The following RORA variants were observed in gnomAD, a reference collection of about 807,000 sequenced individuals.
The protein encoded by RORA is nuclear receptor ROR-alpha.
Under a neutral mutation model 69.5 loss-of-function variants are expected in RORA, and 7 were observed. The ratio of observed to expected loss-of-function variants is 0.10; its 90% CI spans 0.06 to 0.19. RORA has a LOEUF of 0.19. RORA is among the 10% of genes least tolerant of loss of function. The pLI is 1.00. For synonymous variants in RORA, 261 were observed against 240.8 expected, an observed-to-expected ratio of 1.08 and a Z score of -0.78; for missense variants, 457 against 663.0, an observed-to-expected ratio of 0.69 and a Z score of 3.41.
At chr15:60,978,207 G>A (rs1367710050) in intron 1 of RORA, among the ~76,000 whole-genome samples, 2 of 151,982 alleles carry the variant, frequency 1.3e-5, no homozygotes, top group African/African-American at 4.8e-5. Flanking sequence ...AGCCTAGTAG[G>A]TATAAAGTAG....
Position 60,745,573 on chromosome 15 carries a change from A to G in RORA, c.167-66887T>C, listed in dbSNP as rs115943401. On this transcript the variant is annotated intron_variant, in intron 1 of 10. Transcript: ENST00000335670. ...TGGCCTCGGCATGGCCAGAGAGGCC[A>G]GGGCCCAAAGCAGCACCAGGATCTT... is the stretch of plus-strand genomic sequence containing the variant. Among the ~76,000 whole-genome samples, 233 of 152,224 alleles carry G rather than the reference A, an allele frequency of 1.5e-3. 2 individuals carry two copies. The highest frequency in any genetic ancestry group is 5.5e-3 in the African/African-American group (230 of 41,556).
chr15:60,677,102 G>C (rs1200828077), intron 2 of RORA: 3 of 451,058 alleles, frequency 6.7e-6, no homozygotes, highest in Non-Finnish European at 1.3e-5. Context: ...ATCAGCCCCT[G>C]TTGGGGAGAG....
chr15:60,557,891 T>C (rs1164962966), intron 2 of RORA, among the ~76,000 whole-genome samples: 4 of 152,238 alleles, frequency 2.6e-5, no homozygotes, highest in Non-Finnish European at 4.4e-5. Context: ...ATAAATATTT[T>C]TAAAGAAATA....
At chr15:60,608,598 A>T (rs943833802) in intron 2 of RORA, among the ~76,000 whole-genome samples, 8 of 152,320 alleles carry the variant, frequency 5.3e-5, no homozygotes, top group Non-Finnish European at 5.9e-5. Context: ...AAGAGTTTAT[A>T]TTTTGAGAAA....
intron 2 of RORA, among the ~76,000 whole-genome samples, chr15:60,570,746 T>G (rs2067856079): frequency 6.6e-6 from 1 of 152,172 alleles, no homozygotes; most frequent in African/African-American, 2.4e-5. Context: ...CCGTCATAGA[T>G]TCAATTAGAG....
chr15:60,512,529 A>G (rs1221561787), intron 4 of RORA, among the ~76,000 whole-genome samples: 1 of 152,182 alleles, frequency 6.6e-6, no homozygotes, highest in Non-Finnish European at 1.5e-5. Context: ...GGCTCAAGCA[A>G]TCCTCCAGCC....
chr15:60,854,798 T>C (rs2073363037), intron 1 of RORA, among the ~76,000 whole-genome samples: 1 of 152,232 alleles, frequency 6.6e-6, no homozygotes, highest in Non-Finnish European at 1.5e-5. Context: ...GTATTTGATG[T>C]TTAAACCTGC....
At chr15:60,691,108 C>T (rs980641364) in intron 1 of RORA, among the ~76,000 whole-genome samples, 4 of 152,120 alleles carry the variant, frequency 2.6e-5, no homozygotes, top group African/African-American at 9.7e-5. Context: ...TCCAGACTCA[C>T]ATCCTTTCTG....
At chr15:60,573,614 C>G (rs781080670) in intron 2 of RORA, among the ~76,000 whole-genome samples, 1 of 152,198 alleles carries the variant, frequency 6.6e-6, no homozygotes, top group Non-Finnish European at 1.5e-5. Context: ...CAGACCCCAC[C>G]GGTCTCCTCT....
chr15:60,691,884 C>T (rs1464661752), intron 1 of RORA, among the ~76,000 whole-genome samples: 2 of 152,190 alleles, frequency 1.3e-5, no homozygotes, highest in African/African-American at 4.8e-5. Context: ...TAAAACTAAT[C>T]TCATATTGGC....
intron 1 of RORA, among the ~76,000 whole-genome samples, chr15:60,980,474 G>A (rs1894013246): frequency 6.6e-6 from 1 of 152,126 alleles, no homozygotes; most frequent in Non-Finnish European, 1.5e-5. Context: ...TTCTTTAAAT[G>A]TTTGGTAGAA....
At chr15:60,881,667 G>A (rs77488371) in intron 1 of RORA, among the ~76,000 whole-genome samples, 1,789 of 152,280 alleles carry the variant, frequency 0.012, 22 homozygotes, top group Non-Finnish European at 0.019. Flanking sequence ...AAAAGGGAAA[G>A]AGTTAGAAAA....
intron 2 of RORA, among the ~76,000 whole-genome samples, chr15:60,620,856 C>T (rs2069385111): frequency 6.6e-6 from 1 of 152,252 alleles, no homozygotes; most frequent in African/African-American, 2.4e-5. Context: ...GGAGCTCCGC[C>T]TCCCACTAGC....
At chr15:60,984,393 A>T (rs1894133535) in intron 1 of RORA, among the ~76,000 whole-genome samples, 1 of 151,496 alleles carries the variant, frequency 6.6e-6, no homozygotes, top group Non-Finnish European at 1.5e-5. Flanking sequence ...TGCTTTTACC[A>T]ATAATGCTAC....
At chr15:60,882,889 C>T (rs1437448277) in intron 1 of RORA, among the ~76,000 whole-genome samples, 2 of 151,336 alleles carry the variant, frequency 1.3e-5, no homozygotes, top group Admixed American at 6.6e-5. Context: ...ATAGGGAGGC[C>T]GAAGTGGGAG....
chr15:60,861,405 G>C (rs1164210406), intron 1 of RORA, among the ~76,000 whole-genome samples: 3 of 152,190 alleles, frequency 2.0e-5, no homozygotes, highest in East Asian at 3.9e-4. Flanking sequence ...TGGGTCCTCA[G>C]AGTAACCCTG....
At chr15:61,055,162 G>A (rs2078077107) in intron 1 of RORA, among the ~76,000 whole-genome samples, 1 of 151,208 alleles carries the variant, frequency 6.6e-6, no homozygotes, top group South Asian at 2.1e-4. Flanking sequence ...AACTTATCTG[G>A]TTAAGTACAA....
At chr15:60,769,552 T>C (rs1051825984) in intron 1 of RORA, among the ~76,000 whole-genome samples, 5 of 152,204 alleles carry the variant, frequency 3.3e-5, no homozygotes, top group African/African-American at 7.2e-5. Flanking sequence ...CATCCTTGAA[T>C]GTTCTAGTCA....
At position 60,534,020 on chromosome 15, in the gene RORA, G is replaced by A. The variant is rs767776161; in HGVS notation, c.197-2169C>T. ...AGCATGTCTATTTAGTCCTTTACAAGAATATGAAGGCCCTGGGCAGGGCAT... is the reference window on the plus strand; with the variant it reads ...AGCATGTCTATTTAGTCCTTTACAAAAATATGAAGGCCCTGGGCAGGGCAT... On this transcript the variant is annotated intron_variant, in intron 2 of 10. Coordinates refer to ENST00000335670, the MANE Select transcript of RORA (RefSeq NM_134261.3). This position sits in a 1 kb window ranked among gnomAD's most constrained non-coding sequence, Gnocchi z 5.0. Among the ~76,000 whole-genome samples, 4 of 152,332 alleles carry A rather than the reference G, an allele frequency of 2.6e-5. No individual in the cohort carries two copies. The highest frequency in any genetic ancestry group is 5.9e-5 in the Non-Finnish European group (4 of 68,026).
Sources: gnomAD v4.1 joint callset for allele counts (sites outside exome capture counted in the v4.1 genomes callset) on GRCh38, gnomAD v4.1.1 for gene constraint, Gnocchi (gnomAD v3.1) non-coding constraint, MANE v1.5 for transcripts, NCBI Gene and HGNC (gene_info 2026-07-23, HGNC 2026-07-21) for gene names.